Variants in TENM3 observed in about 807,000 individuals in gnomAD.
TENM3 encodes the protein teneurin transmembrane protein 3, also known as teneurin-3.
TENM3 carries 63 observed loss-of-function variants against 255.1 expected under a neutral mutation model. The ratio of observed to expected loss-of-function variants is 0.25; its 90% CI spans 0.20 to 0.30. TENM3 has a LOEUF of 0.30. TENM3 is among the 10% of genes least tolerant of loss of function. The pLI, the probability that TENM3 is intolerant of heterozygous loss-of-function variation, is 1.00. For synonymous variants in TENM3, 1,306 were observed against 1,322.3 expected (o/e 0.99, Z 0.27); for missense variants, 2,929 against 3,461.1 (o/e 0.85, Z 3.86).
At chr4:182,276,189 T>C (rs867491231) in intron 1 of TENM3, among the ~76,000 whole-genome samples, 3 of 152,224 alleles carry the variant, frequency 2.0e-5, no homozygotes, top group Admixed American at 1.3e-4. Flanking sequence ...GGAACAGAAA[T>C]ATCAGTAACA....
the TENM3 span, among the ~76,000 whole-genome samples, chr4:181,826,406 C>A: frequency 2.0e-5 from 3 of 152,154 alleles, no homozygotes; most frequent in African/African-American, 7.2e-5. Flanking sequence ...AAAGGTGTGA[C>A]GGGATCAGGA....
At chr4:182,717,084 G>A (rs1445144780) in intron 13 of TENM3, among the ~76,000 whole-genome samples, 1 of 152,092 alleles carries the variant, frequency 6.6e-6, no homozygotes, top group Non-Finnish European at 1.5e-5. Context: ...AATTTTAAAA[G>A]AGACATCCAT....
intron 3 of TENM3, among the ~76,000 whole-genome samples, chr4:182,388,856 G>T (rs1351125477): frequency 2.6e-5 from 4 of 152,196 alleles, no homozygotes; most frequent in Non-Finnish European, 4.4e-5. Flanking sequence ...ATGACCAAAA[G>T]TTGTTGGCTC....
At chr4:181,815,033 A>G in the TENM3 span, among the ~76,000 whole-genome samples, 1 of 152,188 alleles carries the variant, frequency 6.6e-6, no homozygotes, top group Non-Finnish European at 1.5e-5. Flanking sequence ...CTGATTTAGG[A>G]AAAGAGAAAA....
In TENM3 at chr4:182,697,221, G is replaced by A. The variant is rs560831980; in HGVS notation, c.2221+8870G>A. Among the ~76,000 whole-genome samples the A allele has an allele frequency of 7.2e-5, 11 of 152,172 alleles. No homozygotes were observed. In the East Asian group the frequency reaches 1.5e-3, roughly 21 times the overall value. The stretch of plus-strand genomic sequence containing the variant: ...GTCTCTAGGCAGAGGAATTAGCCTC[G>A]GCTAATTCTTCCAGAAAAAACAGGA... On this transcript the variant is annotated intron_variant, in intron 12 of 27. Coordinates refer to ENST00000511685, the MANE Select transcript of TENM3 (RefSeq NM_001080477.4).
chr4:182,414,698 A>G (rs1334431661), intron 3 of TENM3, among the ~76,000 whole-genome samples: 4 of 152,214 alleles, frequency 2.6e-5, no homozygotes, highest in Non-Finnish European at 5.9e-5. Flanking sequence ...TAATCTAAGG[A>G]GATGTGTGAA....
At chr4:182,021,994 G>T in the TENM3 span, among the ~76,000 whole-genome samples, 1 of 152,100 alleles carries the variant, frequency 6.6e-6, no homozygotes, top group South Asian at 2.1e-4. Context: ...ATTTCTCAAA[G>T]AACTAAAAAC....
chr4:182,475,407 AT>A (rs5864786), intron 3 of TENM3, among the ~76,000 whole-genome samples: 104,363 of 150,690 alleles, frequency 0.69, 36,342 homozygotes, highest in South Asian at 0.83. Flanking sequence ...AAACTGATCA[AT>A]TTTTTTTTTT....
chr4:182,492,180 A>G (rs1327548833), intron 3 of TENM3, among the ~76,000 whole-genome samples: 1 of 152,192 alleles, frequency 6.6e-6, no homozygotes, highest in Non-Finnish European at 1.5e-5. Flanking sequence ...GGCACTATAC[A>G]TTTTAATAGT....
At chr4:182,145,612 G>A (rs1239804925) in intron 1 of TENM3, among the ~76,000 whole-genome samples, 1 of 152,104 alleles carries the variant, frequency 6.6e-6, no homozygotes, top group Non-Finnish European at 1.5e-5. Flanking sequence ...TAGAGAGAGG[G>A]TAACAAGTAC....
chr4:182,673,236 T>G lies in TENM3; in HGVS notation c.1326+17T>G, dbSNP rs1755374108. ...CATACTCAGGTAAGACTAGGCTTTC[T>G]TATCAATAAAATAAAAACTGCCAGT... On this transcript the variant is annotated intron_variant, in intron 7 of 27. Transcript: ENST00000511685. 1 of 1,535,464 alleles carries G rather than the reference T, an allele frequency of 6.5e-7. No homozygotes were observed. The highest frequency in any genetic ancestry group is 8.9e-7 in the Non-Finnish European group (1 of 1,127,518).
intron 22 of TENM3, among the ~76,000 whole-genome samples, chr4:182,758,626 A>G (rs1371539909): frequency 6.6e-6 from 1 of 152,126 alleles, no homozygotes; most frequent in African/African-American, 2.4e-5. Context: ...CCAGAATATT[A>G]GTACGTGTCT....
At chr4:182,613,068 AG>A (rs1749161865) in intron 4 of TENM3, among the ~76,000 whole-genome samples, 1 of 152,204 alleles carries the variant, frequency 6.6e-6, no homozygotes, top group Non-Finnish European at 1.5e-5. Flanking sequence ...TTGTGTTTAT[AG>A]AAAGAACTTT....
At chr4:182,391,721 T>G (rs182105989) in intron 3 of TENM3, among the ~76,000 whole-genome samples, 2 of 152,322 alleles carry the variant, frequency 1.3e-5, no homozygotes, top group Admixed American at 1.3e-4. Context: ...AGATAATAGA[T>G]TAGGAGACTA....
chr4:182,059,031 C>T, the TENM3 span, among the ~76,000 whole-genome samples: 4 of 148,578 alleles, frequency 2.7e-5, no homozygotes, highest in Non-Finnish European at 5.9e-5. Flanking sequence ...AAATTGTATC[C>T]AGGATCAGAT....
At chr4:181,764,454 G>A in the TENM3 span, among the ~76,000 whole-genome samples, 1 of 152,138 alleles carries the variant, frequency 6.6e-6, no homozygotes, top group African/African-American at 2.4e-5. Flanking sequence ...AACAACCAAC[G>A]AAAGACCGTT....
chr4:182,310,543 C>A (rs1182678654), intron 1 of TENM3, among the ~76,000 whole-genome samples: 1 of 152,164 alleles, frequency 6.6e-6, no homozygotes, highest in Non-Finnish European at 1.5e-5. Context: ...CCAGATGTCC[C>A]AGGACTGACC....
chr4:181,473,272 G>T, the TENM3 span, among the ~76,000 whole-genome samples: 97 of 152,090 alleles, frequency 6.4e-4, no homozygotes, highest in African/African-American at 2.1e-3. Flanking sequence ...GACACCTCTG[G>T]CTGAGAAAAC....
chr4:182,292,237 T>C (rs898358197), intron 1 of TENM3, among the ~76,000 whole-genome samples: 1 of 152,120 alleles, frequency 6.6e-6, no homozygotes. Context: ...CAACTAAACA[T>C]AGAGAAAAAC....
Sources: gnomAD v4.1 joint callset for allele counts (sites outside exome capture counted in the v4.1 genomes callset) on GRCh38, gnomAD v4.1.1 for gene constraint, MANE v1.5 for transcripts, NCBI Gene and HGNC (gene_info 2026-07-23, HGNC 2026-07-21) for gene names.